Variants in ABCA10 observed in about 807,000 individuals in gnomAD.
ABCA10 encodes ATP-binding cassette sub-family A member 10.
A neutral mutation model predicts 187.5 loss-of-function variants in ABCA10; 169 were observed. The ratio of observed to expected loss-of-function variants is 0.90; its 90% CI spans 0.80 to 1.02. ABCA10 has a LOEUF of 1.02. Among genes scored for constraint, ABCA10 ranks in the 50% least tolerant of loss-of-function variants. The probability of loss-of-function intolerance (pLI) is 0.00; values close to 1 mark genes in which losing one functional copy is unlikely to be tolerated. For synonymous variants in ABCA10, 574 were observed against 601.8 expected (o/e 0.95, Z 0.68); for missense variants, 1,727 against 1,812.4 (o/e 0.95, Z 0.86).
At chr17:69,214,647 CAT>C (rs2074689237) in intron 9 of ABCA10, 55 bp downstream of exon 9, 2 of 1,318,852 alleles carry the variant, frequency 1.5e-6, no homozygotes, top group Admixed American at 2.9e-5. Context: ...GATATTAATA[CAT>C]GTTTTAAGAA....
chr17:69,148,773 T>C lies in ABCA10; in HGVS notation c.*54A>G, dbSNP rs913260008. 3 of 1,365,776 alleles carry C rather than the reference T, an allele frequency of 2.2e-6. No homozygotes were observed. The highest frequency in any genetic ancestry group is 5.2e-4 in the Middle Eastern group (2 of 3,858). The allele number at this position is 1,365,776 out of a possible 1,614,324, so 84.6% of individuals were successfully genotyped here. On this transcript the variant is annotated 3_prime_UTR_variant, in exon 39 of 39. Transcript: ENST00000690296. ...AAAAGGAAACATTCTTGTAGAATTATGGAAACTAACAATGTAGTAGGACCT... is the reference window on the plus strand; with the variant it reads ...AAAAGGAAACATTCTTGTAGAATTACGGAAACTAACAATGTAGTAGGACCT...
intron 35 of ABCA10, 80 bp downstream of exon 35, chr17:69,152,282 G>C: frequency 6.3e-7 from 1 of 1,576,530 alleles, no homozygotes. Context: ...GGGAGCTGTA[G>C]AGCATCAGCT....
chr17:69,155,342 A>G (rs1395869704), intron 29 of ABCA10, among the ~76,000 whole-genome samples: 1 of 152,180 alleles, frequency 6.6e-6, no homozygotes, highest in Non-Finnish European at 1.5e-5. Context: ...TTAATTCCTA[A>G]TCAAATACAT....
chr17:69,163,697 C>A (rs372091285), intron 27 of ABCA10, among the ~76,000 whole-genome samples: 71 of 152,220 alleles, frequency 4.7e-4, no homozygotes, highest in African/African-American at 1.6e-3. Flanking sequence ...TGTCTTTCCC[C>A]ACTATAAAAT....
At position 69,187,887 on chromosome 17, in the gene ABCA10, C is replaced by G; in HGVS notation, c.2132-8G>C. ...GTTTCCCAATGTCAAAATCTACAATCATGTAATAAAACATTTTAATAGGCT... is the reference window on the plus strand; with the variant it reads ...GTTTCCCAATGTCAAAATCTACAATGATGTAATAAAACATTTTAATAGGCT... On this transcript the variant is annotated splice_region_variant and splice_polypyrimidine_tract_variant and intron_variant, in intron 18 of 38. Coordinates refer to ENST00000690296, the MANE Select transcript of ABCA10 (RefSeq NM_001377321.1). The G allele has an allele frequency of 1.2e-6, 2 of 1,611,634 alleles. No homozygotes were observed.
upstream of ABCA10, among the ~76,000 whole-genome samples, chr17:69,232,101 A>G (rs1265846395): frequency 6.6e-6 from 1 of 151,674 alleles, no homozygotes; most frequent in Non-Finnish European, 1.5e-5. Context: ...ATCTTTTTCC[A>G]TCTCTTCATT....
chr17:69,202,128 G>A (rs914429759), intron 9 of ABCA10, among the ~76,000 whole-genome samples: 2 of 152,182 alleles, frequency 1.3e-5, no homozygotes, highest in African/African-American at 4.8e-5. Flanking sequence ...AGTTAAGACA[G>A]TGCTGTGGCT....
rs1236938451 is a variant in ABCA10, at chr17:69,193,807, C to A, written c.1521+7G>T. 1.2e-6 allele frequency: 2 copies of A among 1,612,616 alleles called. No homozygotes were observed. The highest frequency in any genetic ancestry group is 1.7e-6 in the Non-Finnish European group (2 of 1,179,520). ...CCAAAGCCATCAATCTTAATGTGTT[C>A]CTGTACCTCTTGTTCCACTTCCTTT... On this transcript the variant is annotated splice_region_variant and intron_variant, in intron 13 of 38. Transcript: ENST00000690296.
At chr17:69,201,461 T>C (rs2074543828) in intron 10 of ABCA10, 39 bp downstream of exon 10, 1 of 1,452,848 alleles carries the variant, frequency 6.9e-7, no homozygotes, top group Non-Finnish European at 9.1e-7. Flanking sequence ...ACTAAGCTTT[T>C]ACCTATAAGT....
At chr17:69,163,611 T>C (rs1258649158) in intron 27 of ABCA10, among the ~76,000 whole-genome samples, 2 of 152,226 alleles carry the variant, frequency 1.3e-5, no homozygotes, top group African/African-American at 2.4e-5. Flanking sequence ...ACAAGAGGTG[T>C]GCAAACAAGA....
chr17:69,194,607 A>G (rs1189207526), intron 11 of ABCA10, 112 bp from the exon 12 acceptor site: 3 of 624,264 alleles, frequency 4.8e-6, no homozygotes, highest in Non-Finnish European at 8.1e-6. Flanking sequence ...TGGTATTTTA[A>G]TACATCCCCT....
At chr17:69,180,375 A>G (rs2074370628) in intron 22 of ABCA10, among the ~76,000 whole-genome samples, 1 of 152,220 alleles carries the variant, frequency 6.6e-6, no homozygotes, top group African/African-American at 2.4e-5. Context: ...ACTTTCAAGA[A>G]GTTCATATTT....
At position 69,156,910 on chromosome 17, in the gene ABCA10, C is replaced by T. The variant is rs145802388; in HGVS notation, c.3377G>A (p.Ser1126Asn). The change falls in exon 28 of 39, where the codon AGT becomes AAT. Residue 1126 changes from serine (S) to asparagine (N), a missense_variant. By Grantham distance (46) the Ser-to-Asn change is conservative. Transcript: ENST00000690296. ...CCTTATGACAAAAAGGAAAATAACA[C>T]TCTGAAGGTATGGCTAAAAGAAAAG... ...LLTTLIPYLQSVIFLFVIRCL... is the reference protein window; with the variant it reads ...LLTTLIPYLQNVIFLFVIRCL... The T allele has an allele frequency of 4.5e-4, 710 of 1,578,504 alleles. 11 individuals are homozygous for T. The South Asian group carries it at 7.7e-3, about 17-fold the overall frequency.
rs538350670 is a variant in ABCA10, at chr17:69,167,248, C to T, written c.3163-2165G>A. ...GCTCCCAAACACATCTCTAATCCAACCTCTAGATCAGGGGTCATAAGAACT... is the reference window on the plus strand; with the variant it reads ...GCTCCCAAACACATCTCTAATCCAATCTCTAGATCAGGGGTCATAAGAACT... On this transcript the variant is annotated intron_variant, in intron 25 of 38. Transcript: ENST00000690296. Among the ~76,000 whole-genome samples the T allele has an allele frequency of 5.3e-5, 8 of 152,272 alleles. No individual in the cohort carries two copies. In the East Asian group the frequency reaches 1.5e-3, roughly 29 times the overall value.
chr17:69,204,703 T>C (rs2074577505), intron 9 of ABCA10, among the ~76,000 whole-genome samples: 1 of 152,384 alleles, frequency 6.6e-6, no homozygotes, highest in Non-Finnish European at 1.5e-5. Context: ...ATAAGTAGAT[T>C]AAACCTGATG....
At chr17:69,164,050 A>G (rs774958422) in intron 27 of ABCA10, 24 bp downstream of exon 27, 15 of 1,505,242 alleles carry the variant, frequency 1.0e-5, no homozygotes, top group Non-Finnish European at 1.3e-5. Context: ...CAATATATAT[A>G]TTTAGGTAGA....
chr17:69,173,160 A>G (rs1210212888), intron 25 of ABCA10, among the ~76,000 whole-genome samples: 2 of 152,170 alleles, frequency 1.3e-5, no homozygotes, highest in African/African-American at 4.8e-5. Flanking sequence ...TCAATGACTA[A>G]TGCCGATGGT....
chr17:69,151,106 CCA>C (rs1352279550), intron 36 of ABCA10, among the ~76,000 whole-genome samples: 1 of 152,184 alleles, frequency 6.6e-6, no homozygotes, highest in Non-Finnish European at 1.5e-5. Context: ...CTCTTGTGAG[CCA>C]CAGGTCTACA....
At chr17:69,150,189 T>G (rs375766089) in intron 36 of ABCA10, 126 bp from the exon 37 acceptor site, 3 of 597,960 alleles carry the variant, frequency 5.0e-6, no homozygotes, top group East Asian at 3.0e-5. Flanking sequence ...TGATATAGCA[T>G]GAATCAGTGT....
Sources: gnomAD v4.1 joint callset for allele counts (sites outside exome capture counted in the v4.1 genomes callset) on GRCh38, gnomAD v4.1.1 for gene constraint, MANE v1.5 for transcripts, NCBI Gene and HGNC (gene_info 2026-07-23, HGNC 2026-07-21) for gene names.